The following ITPRIPL2 variants were observed in gnomAD, a reference collection of about 807,000 sequenced individuals.
The protein encoded by ITPRIPL2 is ITPRIP like 2.
A neutral mutation model predicts 31.7 loss-of-function variants in ITPRIPL2; 29 were observed. The observed-to-expected ratio is 0.91, with a 90% confidence interval of 0.68 to 1.25. The LOEUF (loss-of-function observed/expected upper bound fraction) is 1.25, where lower values mean the gene tolerates loss of function less well. ITPRIPL2 is among the 50% of genes most tolerant of loss of function. ITPRIPL2 has a pLI of 0.00. For missense variants in ITPRIPL2, 696 were observed against 739.1 expected (o/e 0.94, Z 0.68); for synonymous variants, 344 against 343.4 (o/e 1.00, Z -0.02).
Position 19,115,623 on chromosome 16 carries a change from C to T in ITPRIPL2, c.1162C>T (p.Arg388Cys), listed in dbSNP as rs1364216861. The change falls in exon 1 of 1, where the codon CGT becomes TGT. Residue 388 changes from arginine to cysteine, a missense_variant. Physicochemically the swap from Arg to Cys is radical, Grantham distance 180 (BLOSUM62 -3). Coordinates refer to ENST00000381440, the MANE Select transcript of ITPRIPL2 (RefSeq NM_001034841.4). ...LLKALRDLGARGLDSAAATQW... is the reference protein window; with the variant it reads ...LLKALRDLGACGLDSAAATQW... ...TAAGGCTCTGCGCGATCTGGGGGCCCGTGGGCTGGACTCAGCGGCCGCCAC... is the reference window on the plus strand; with the variant it reads ...TAAGGCTCTGCGCGATCTGGGGGCCTGTGGGCTGGACTCAGCGGCCGCCAC... 2.5e-6 allele frequency: 4 copies of T among 1,608,962 alleles called. No individual in the cohort carries two copies. Among genetic ancestry groups the T allele is most frequent in the East Asian group, 4.5e-5 (2 of 44,856 alleles).
chr16:19,116,126 G>GAAA lies in ITPRIPL2; in HGVS notation c.*57_*58insAAA. ...TCCTAAAGCCTTTCCCACTGGGTGGGGGTGGGAATGGCGGTGAAGCCAGTT... is the reference window on the plus strand; with the variant it reads ...TCCTAAAGCCTTTCCCACTGGGTGGGAAAGGTGGGAATGGCGGTGAAGCCAGTT... On this transcript the variant is annotated 3_prime_UTR_variant, in exon 1 of 1. Transcript: ENST00000381440. 6.8e-7 allele frequency: 1 copy of GAAA among 1,478,492 alleles called. No homozygotes were observed. The highest frequency in any genetic ancestry group is 9.1e-7 in the Non-Finnish European group (1 of 1,099,280). 91.6% of individuals were successfully genotyped at this position (1,478,492 alleles called of 1,614,324 possible).
In ITPRIPL2 at chr16:19,114,436, G is replaced by C. The variant is rs368987748; in HGVS notation, c.-26G>C. On this transcript the variant is annotated 5_prime_UTR_variant, in exon 1 of 1. Coordinates refer to ENST00000381440, the MANE Select transcript of ITPRIPL2 (RefSeq NM_001034841.4). Reference sequence around the variant, plus strand: ...CCGGGGCTTGCCCCCTGGGCTGCTCGGCCACCGCCGCCCCGGGCGCCCGGC... The same window carrying C: ...CCGGGGCTTGCCCCCTGGGCTGCTCCGCCACCGCCGCCCCGGGCGCCCGGC... 5.1e-6 allele frequency: 7 copies of C among 1,383,268 alleles called. 1 individual carries two copies. Among genetic ancestry groups the C allele is most frequent in the South Asian group, 3.5e-5 (2 of 56,870 alleles). 85.7% of individuals were successfully genotyped at this position (1,383,268 alleles called of 1,614,324 possible). A position where few individuals can be genotyped will look rare whatever the true frequency, so the allele number is the denominator to read the frequency against.
chr16:19,115,495 C>T lies in ITPRIPL2; in HGVS notation c.1034C>T (p.Ala345Val). Reference protein sequence around the residue: ...LELPEGLRAEALWGVNTARQE... With the variant: ...LELPEGLRAEVLWGVNTARQE... Reference sequence around the variant, plus strand: ...CTCCCTGAGGGCCTGCGTGCGGAGGCACTGTGGGGTGTGAACACAGCACGC... The same window carrying T: ...CTCCCTGAGGGCCTGCGTGCGGAGGTACTGTGGGGTGTGAACACAGCACGC... The change falls in exon 1 of 1, where the codon GCA becomes GTA. Residue 345 changes from alanine (A) to valine (V), a missense_variant. Transcript: ENST00000381440. 6.2e-7 allele frequency: 1 copy of T among 1,606,218 alleles called. No individual in the cohort carries two copies. The highest frequency in any genetic ancestry group is 8.5e-7 in the Non-Finnish European group (1 of 1,179,708).
rs1053862168 is a variant in ITPRIPL2, at chr16:19,119,252, G to A, written c.*3183G>A. On this transcript the variant is annotated 3_prime_UTR_variant, in exon 1 of 1. Transcript: ENST00000381440. The stretch of plus-strand genomic sequence containing the variant: ...TGGGGAAGGAGGACTTAAGATGAAA[G>A]TGAAGCAAGAGAGGGAAGGGGAAAT... 2.5e-6 allele frequency: 1 copy of A among 407,346 alleles called. No homozygotes were observed. The highest frequency in any genetic ancestry group is 2.1e-5 in the African/African-American group (1 of 48,510). The allele number at this position is 407,346 out of a possible 1,614,324, so 25.2% of individuals were successfully genotyped here. A position where few individuals can be genotyped will look rare whatever the true frequency, so the allele number is the denominator to read the frequency against.
In ITPRIPL2 at chr16:19,113,973, C is replaced by A; in HGVS notation, c.-489C>A. The A allele has an allele frequency of 2.6e-6, 1 of 390,274 alleles. No homozygotes were observed. Among genetic ancestry groups the A allele is most frequent in the South Asian group, 1.3e-4 (1 of 7,764 alleles). The allele number at this position is 390,274 out of a possible 1,614,324, so 24.2% of individuals were successfully genotyped here. A position where few individuals can be genotyped will look rare whatever the true frequency, so the allele number is the denominator to read the frequency against. Reference sequence around the variant, plus strand: ...GGCCCGGGAGGGGGCCGACCCGGCTCGCCAGCTCCACGCTCGGCTCCAGAC... The same window carrying A: ...GGCCCGGGAGGGGGCCGACCCGGCTAGCCAGCTCCACGCTCGGCTCCAGAC... On this transcript the variant is annotated 5_prime_UTR_variant, in exon 1 of 1. Transcript: ENST00000381440.
chr16:19,120,619 ATATATAT>A lies in ITPRIPL2; in HGVS notation c.*4552_*4558del, dbSNP rs1350390143. On this transcript the variant is annotated 3_prime_UTR_variant, in exon 1 of 1. Transcript: ENST00000381440. ...GCCTGGCTAATATATATATATATAT[ATATATAT>A]TTTTTTTTTTTTTTTTTAGTAGAGA... The A allele has an allele frequency of 1.7e-5, 2 of 115,526 alleles. No homozygotes were observed. The highest frequency in any genetic ancestry group is 8.1e-5 in the African/African-American group (2 of 24,692). 7.2% of individuals were successfully genotyped at this position (115,526 alleles called of 1,614,324 possible).
Position 19,119,276 on chromosome 16 carries a change from A to G in ITPRIPL2, c.*3207A>G, listed in dbSNP as rs925864938. On this transcript the variant is annotated 3_prime_UTR_variant, in exon 1 of 1. Transcript: ENST00000381440. Reference sequence around the variant, plus strand: ...AGTGAAGCAAGAGAGGGAAGGGGAAATGAAGTGAAAATGGCGTGAGGGTGT... The same window carrying G: ...AGTGAAGCAAGAGAGGGAAGGGGAAGTGAAGTGAAAATGGCGTGAGGGTGT... The G allele has an allele frequency of 5.0e-6, 2 of 397,746 alleles. No homozygotes were observed. The highest frequency in any genetic ancestry group is 2.9e-4 in the South Asian group (2 of 6,854). 24.6% of individuals were successfully genotyped at this position (397,746 alleles called of 1,614,324 possible). A position where few individuals can be genotyped will look rare whatever the true frequency, so the allele number is the denominator to read the frequency against.
Position 19,120,600 on chromosome 16 carries a change from C to T in ITPRIPL2, c.*4531C>T, listed in dbSNP as rs1344553362. On this transcript the variant is annotated 3_prime_UTR_variant, in exon 1 of 1. Transcript: ENST00000381440. ...TACAGGCACCTGCCACCACGCCTGG[C>T]TAATATATATATATATATATATATA... The T allele has an allele frequency of 3.6e-4, 43 of 118,636 alleles. No homozygotes were observed. The highest frequency in any genetic ancestry group is 1.5e-3 in the African/African-American group (43 of 28,012). The allele number at this position is 118,636 out of a possible 1,614,324, so 7.3% of individuals were successfully genotyped here.
rs1963483649 is a variant in ITPRIPL2, at chr16:19,119,328, T to C, written c.*3259T>C. 1 of 344,464 alleles carries C rather than the reference T, an allele frequency of 2.9e-6. No individual in the cohort carries two copies. Among genetic ancestry groups the C allele is most frequent in the East Asian group, 4.6e-5 (1 of 21,742 alleles). The allele number at this position is 344,464 out of a possible 1,614,324, so 21.3% of individuals were successfully genotyped here. The stretch of plus-strand genomic sequence containing the variant: ...AGAGAGGTTTGGGTTAGGAAACATG[T>C]TTTTAGTGCTATTTCCAACCAGGGG... On this transcript the variant is annotated 3_prime_UTR_variant, in exon 1 of 1. Transcript: ENST00000381440.
In ITPRIPL2 at chr16:19,120,047, T is replaced by C. The variant is rs1446624620; in HGVS notation, c.*3978T>C. 1 of 167,108 alleles carries C rather than the reference T, an allele frequency of 6.0e-6. No individual in the cohort carries two copies. Among genetic ancestry groups the C allele is most frequent in the East Asian group, 1.9e-4 (1 of 5,204 alleles). The allele number at this position is 167,108 out of a possible 1,614,324, so 10.4% of individuals were successfully genotyped here. ...GGCTAGATTTGGGGTGCAAGCTTCTTAGGCTCATACCATTTCAACTACCAA... is the reference window on the plus strand; with the variant it reads ...GGCTAGATTTGGGGTGCAAGCTTCTCAGGCTCATACCATTTCAACTACCAA... On this transcript the variant is annotated 3_prime_UTR_variant, in exon 1 of 1. Transcript: ENST00000381440.
chr16:19,115,007 C>A lies in ITPRIPL2; in HGVS notation c.546C>A (p.Leu182=), dbSNP rs1235555605. ...DSFDVLVPLR[L]PPLVALEPRS... ...TCGACGTGCTGGTGCCACTGCGCCT[C>A]CCGCCGCTTGTGGCGCTGGAGCCAC... The change falls in exon 1 of 1, where the codon CTC becomes CTA. Residue 182 remains leucine, a synonymous_variant. Transcript: ENST00000381440. 1 of 1,599,206 alleles carries A rather than the reference C, an allele frequency of 6.3e-7. No homozygotes were observed. Among genetic ancestry groups the A allele is most frequent in the East Asian group, 2.2e-5 (1 of 44,864 alleles).
In ITPRIPL2 at chr16:19,114,475, A is replaced by G; in HGVS notation, c.14A>G (p.Tyr5Cys). Residue 5 changes from tyrosine (Y) to cysteine (C), a missense_variant, in exon 1 of 1, where the codon TAC becomes TGC. Tyr to Cys is a radical substitution (Grantham distance 194, BLOSUM62 -2). Coordinates refer to ENST00000381440, the MANE Select transcript of ITPRIPL2 (RefSeq NM_001034841.4). MSVH[Y>C]TLNLRVFWPL... ...CGGGCGCCCGGCATGTCGGTGCACTACACCCTCAATCTACGCGTCTTCTGG... is the reference window on the plus strand; with the variant it reads ...CGGGCGCCCGGCATGTCGGTGCACTGCACCCTCAATCTACGCGTCTTCTGG... 1.4e-6 allele frequency: 2 copies of G among 1,438,046 alleles called. No homozygotes were observed. Among genetic ancestry groups the G allele is most frequent in the Non-Finnish European group, 1.8e-6 (2 of 1,094,954 alleles). 89.1% of individuals were successfully genotyped at this position (1,438,046 alleles called of 1,614,324 possible).
rs1477930751 is a variant in ITPRIPL2, at chr16:19,120,674, G to A, written c.*4605G>A. On this transcript the variant is annotated 3_prime_UTR_variant, in exon 1 of 1. Transcript: ENST00000381440. ...AGATGGGGTTTCATCATGTTGGCCAGGCTGGTCTCGAACTCCTGACCTCAG... is the reference window on the plus strand; with the variant it reads ...AGATGGGGTTTCATCATGTTGGCCAAGCTGGTCTCGAACTCCTGACCTCAG... 1.4e-5 allele frequency: 2 copies of A among 143,944 alleles called. No homozygotes were observed. Among genetic ancestry groups the A allele is most frequent in the Non-Finnish European group, 3.0e-5 (2 of 65,990 alleles). The allele number at this position is 143,944 out of a possible 1,614,324, so 8.9% of individuals were successfully genotyped here. A position where few individuals can be genotyped will look rare whatever the true frequency, so the allele number is the denominator to read the frequency against.
chr16:19,115,718 G>C lies in ITPRIPL2; in HGVS notation c.1257G>C (p.Gly419=), dbSNP rs752735793. Residue 419 remains glycine, a synonymous_variant, in exon 1 of 1, where the codon GGG becomes GGC. Coordinates refer to ENST00000381440, the MANE Select transcript of ITPRIPL2 (RefSeq NM_001034841.4). ...TGCTGGCAGTGCTGCTGCGCAAGGG[G>C]GCCCCTGGGCAAGGCTGGGACGAGG... ...TVLLAVLLRK[G]APGQGWDEEH... 1.2e-6 allele frequency: 2 copies of C among 1,613,032 alleles called. No homozygotes were observed. Among genetic ancestry groups the C allele is most frequent in the Non-Finnish European group, 1.7e-6 (2 of 1,179,994 alleles).
rs1963465819 is a variant in ITPRIPL2 at position 19,118,051 on chromosome 16, G to A, written c.*1982G>A. 1 of 160,646 alleles carries A rather than the reference G, an allele frequency of 6.2e-6. No homozygotes were observed. The highest frequency in any genetic ancestry group is 1.5e-5 in the Non-Finnish European group (1 of 67,772). 10.0% of individuals were successfully genotyped at this position (160,646 alleles called of 1,614,324 possible). On this transcript the variant is annotated 3_prime_UTR_variant, in exon 1 of 1. Transcript: ENST00000381440. ...GTTTTTAAAATAAATGCCAAGAGTA[G>A]ATCTTATATATATATATATGTATAC...
rs1426855080 is a variant in ITPRIPL2 at position 19,119,391 on chromosome 16, G to GT, written c.*3323dup. 5 of 239,308 alleles carry GT rather than the reference G, an allele frequency of 2.1e-5. No individual in the cohort carries two copies. In the Admixed American group the frequency reaches 2.9e-4, roughly 14 times the overall value. 14.8% of individuals were successfully genotyped at this position (239,308 alleles called of 1,614,324 possible). ...CAGCCTGTAGAAACAGGGGTGGGAG[G>GT]TGGGGGGGAAGCTGTGCCCACCTTT... is the stretch of plus-strand genomic sequence containing the variant. On this transcript the variant is annotated 3_prime_UTR_variant, in exon 1 of 1. Transcript: ENST00000381440.
In ITPRIPL2 at chr16:19,114,410, G is replaced by T; in HGVS notation, c.-52G>T. Reference sequence around the variant, plus strand: ...GTGCGCATGCTGGGCTTGGGTCGCCGCCGGGGCTTGCCCCCTGGGCTGCTC... The same window carrying T: ...GTGCGCATGCTGGGCTTGGGTCGCCTCCGGGGCTTGCCCCCTGGGCTGCTC... On this transcript the variant is annotated 5_prime_UTR_variant, in exon 1 of 1. Transcript: ENST00000381440. 1 of 1,279,792 alleles carries T rather than the reference G, an allele frequency of 7.8e-7. No individual in the cohort carries two copies. Among genetic ancestry groups the T allele is most frequent in the Non-Finnish European group, 9.9e-7 (1 of 1,010,536 alleles). 79.3% of individuals were successfully genotyped at this position (1,279,792 alleles called of 1,614,324 possible). A position where few individuals can be genotyped will look rare whatever the true frequency, so the allele number is the denominator to read the frequency against.
chr16:19,115,908 G>A lies in ITPRIPL2; in HGVS notation c.1447G>A (p.Ala483Thr). Residue 483 changes from alanine (A) to threonine (T), a missense_variant, in exon 1 of 1, where the codon GCT (alanine) becomes ACT (threonine). Physicochemically the swap from Ala to Thr is moderately conservative, Grantham distance 58. Transcript: ENST00000381440. Reference sequence around the variant, plus strand: ...AGCCGCCCCAGTTGACCTCCTGGCCGCTTTCGACGGGCACGCCCGGGAACT... The same window carrying A: ...AGCCGCCCCAGTTGACCTCCTGGCCACTTTCGACGGGCACGCCCGGGAACT... ...REAAPVDLLA[A>T]FDGHARELAA... is the part of the protein sequence containing the mutation. 1 of 1,611,958 alleles carries A rather than the reference G, an allele frequency of 6.2e-7. No homozygotes were observed. Among genetic ancestry groups the A allele is most frequent in the Non-Finnish European group, 8.5e-7 (1 of 1,179,690 alleles).
At position 19,115,218 on chromosome 16, in the gene ITPRIPL2, C is replaced by G. The variant is rs1408005559; in HGVS notation, c.757C>G (p.Arg253Gly). Residue 253 changes from arginine to glycine, a missense_variant, in exon 1 of 1, where the codon CGC becomes GGC. Physicochemically the swap from Arg to Gly is moderately radical, Grantham distance 125. Coordinates refer to ENST00000381440, the MANE Select transcript of ITPRIPL2 (RefSeq NM_001034841.4). ...TCACCTCTCTGCTACTCTGGTGCTG[C>G]GCTGGTTCCAGTCGCATCTGCAGCG... is the stretch of plus-strand genomic sequence containing the variant. ...RRHLSATLVL[R>G]WFQSHLQRSL... 1 of 1,609,526 alleles carries G rather than the reference C, an allele frequency of 6.2e-7. No homozygotes were observed. The highest frequency in any genetic ancestry group is 8.5e-7 in the Non-Finnish European group (1 of 1,180,012).
Sources: allele counts gnomAD v4.1 joint callset, GRCh38; gene constraint gnomAD v4.1.1; transcripts MANE v1.5; gene names NCBI Gene and HGNC (gene_info 2026-07-23, HGNC 2026-07-21).